Variants in FTO observed in about 807,000 individuals in gnomAD.
The protein encoded by FTO is alpha-ketoglutarate-dependent dioxygenase FTO.
In FTO, 47 loss-of-function variants were observed where a neutral mutation model predicts 63.9. The ratio of observed to expected loss-of-function variants is 0.74; its 90% confidence interval spans 0.58 to 0.94. FTO has a LOEUF of 0.94. Among genes scored for constraint, FTO ranks in the 40% least tolerant of loss-of-function variants. FTO has a pLI of 0.00. For missense variants in FTO, 562 were observed against 618.1 expected (o/e 0.91, Z 0.96); for synonymous variants, 207 against 224.4 (o/e 0.92, Z 0.69).
At chr16:53,754,638 A>C (rs79686650) in intron 1 of FTO, among the ~76,000 whole-genome samples, 7 of 146,686 alleles carry the variant, frequency 4.8e-5, no homozygotes, top group Non-Finnish European at 4.5e-5. Flanking sequence ...ACTTCGTCTC[A>C]AAAAAAAAAG....
intron 8 of FTO, among the ~76,000 whole-genome samples, chr16:54,022,375 G>T (rs1236502415): frequency 6.6e-6 from 1 of 152,074 alleles, no homozygotes; most frequent in Non-Finnish European, 1.5e-5. Context: ...TGGATAAAAT[G>T]CTCTTTGAAC....
At chr16:53,716,359 T>C (rs1267901959) in intron 1 of FTO, among the ~76,000 whole-genome samples, 1 of 152,218 alleles carries the variant, frequency 6.6e-6, no homozygotes, top group African/African-American at 2.4e-5. Context: ...CATTTATGTA[T>C]AAATCAGTCT....
chr16:53,758,057 A>T (rs1317039380), intron 1 of FTO, among the ~76,000 whole-genome samples: 1 of 152,220 alleles, frequency 6.6e-6, no homozygotes, highest in Admixed American at 6.5e-5. Flanking sequence ...GTACAGTCAC[A>T]TCTCATTATA....
chr16:53,777,686 G>A (rs1031842414), intron 1 of FTO, among the ~76,000 whole-genome samples: 6 of 152,124 alleles, frequency 3.9e-5, no homozygotes, highest in Non-Finnish European at 8.8e-5. Flanking sequence ...TCTTATACAA[G>A]TTTTTAAGTA....
intron 8 of FTO, among the ~76,000 whole-genome samples, chr16:53,974,636 A>G (rs1367415152): frequency 1.3e-5 from 2 of 151,682 alleles, no homozygotes; most frequent in South Asian, 2.1e-4. Flanking sequence ...TTGATGCTGT[A>G]TTAAAGATTC....
intron 7 of FTO, among the ~76,000 whole-genome samples, chr16:53,928,948 A>C (rs1237537415): frequency 2.0e-5 from 3 of 151,986 alleles, no homozygotes; most frequent in Non-Finnish European, 2.9e-5. Context: ...GGTTCAAGCG[A>C]TTCTCCTGCC....
At position 53,739,494 on chromosome 16, in the gene FTO, G is replaced by A. The variant is rs538495761; in HGVS notation, c.45+35265G>A. Among the ~76,000 whole-genome samples the A allele has an allele frequency of 8.7e-4, 133 of 152,026 alleles. 1 individual carries two copies. Among genetic ancestry groups the A allele is most frequent in the African/African-American group, 3.0e-3 (125 of 41,452 alleles). On this transcript the variant is annotated intron_variant, in intron 1 of 8. Transcript: ENST00000471389. ...CTCCCAAAGTGCTGGGATTACAGGT[G>A]TGAGCCACTGTGCCTGGCCTACTAT...
At chr16:53,909,530 G>A (rs993931723) in intron 7 of FTO, among the ~76,000 whole-genome samples, 2 of 113,666 alleles carry the variant, frequency 1.8e-5, no homozygotes, top group African/African-American at 7.3e-5. Context: ...AGAGAGCCCC[G>A]CCTTTTTTTT....
intron 8 of FTO, among the ~76,000 whole-genome samples, chr16:54,079,757 C>T (rs945671923): frequency 6.6e-6 from 1 of 152,168 alleles, no homozygotes; most frequent in Non-Finnish European, 1.5e-5. Flanking sequence ...AGGAGGCAGT[C>T]GCGACTCGGC....
chr16:54,109,823 A>G (rs76128818), intron 8 of FTO, among the ~76,000 whole-genome samples: 2,901 of 152,256 alleles, frequency 0.019, 92 homozygotes, highest in African/African-American at 0.066. Flanking sequence ...AAGCATCTCT[A>G]TTGACTTTCT....
At chr16:53,838,995 C>T (rs889693728) in intron 3 of FTO, among the ~76,000 whole-genome samples, 2 of 152,166 alleles carry the variant, frequency 1.3e-5, no homozygotes, top group African/African-American at 2.4e-5. Flanking sequence ...GTAATCTCTA[C>T]TGTCATACTC....
intron 1 of FTO, among the ~76,000 whole-genome samples, chr16:53,762,626 A>T (rs546038279): frequency 2.0e-5 from 3 of 152,280 alleles, no homozygotes; most frequent in Non-Finnish European, 4.4e-5. Context: ...GTTGAACCTG[A>T]TGCCATACAA....
At chr16:53,892,146 G>T (rs1275243130) in intron 7 of FTO, among the ~76,000 whole-genome samples, 1 of 152,034 alleles carries the variant, frequency 6.6e-6, no homozygotes, top group Non-Finnish European at 1.5e-5. Flanking sequence ...ACGGTTCTGT[G>T]GTTCTGTTCG....
intron 8 of FTO, among the ~76,000 whole-genome samples, chr16:54,008,129 A>T (rs8049988): frequency 1.3e-5 from 2 of 151,992 alleles, no homozygotes; most frequent in African/African-American, 4.8e-5. Context: ...CACTTAATAG[A>T]TTCTCCATAA....
chr16:53,872,002 C>G (rs1182895858), intron 4 of FTO, among the ~76,000 whole-genome samples: 1 of 152,210 alleles, frequency 6.6e-6, no homozygotes, highest in African/African-American at 2.4e-5. Context: ...ACTGAGATTC[C>G]AGGCATGAGC....
chr16:54,012,557 T>G (rs2084354835), intron 8 of FTO, among the ~76,000 whole-genome samples: 1 of 152,198 alleles, frequency 6.6e-6, no homozygotes, highest in Admixed American at 6.5e-5. Context: ...GAAGATGCCA[T>G]GTAGCATTTT....
intron 1 of FTO, among the ~76,000 whole-genome samples, chr16:53,752,943 C>G (rs892733873): frequency 6.8e-6 from 1 of 146,908 alleles, no homozygotes; most frequent in African/African-American, 2.5e-5. Context: ...TTTAAAGAAT[C>G]CTTCGTTGAG....
chr16:53,821,083 A>T (rs1379048735), intron 2 of FTO, among the ~76,000 whole-genome samples: 3 of 152,148 alleles, frequency 2.0e-5, no homozygotes, highest in African/African-American at 7.2e-5. Context: ...CCCATATTAA[A>T]TATATCTTAT....
intron 1 of FTO, among the ~76,000 whole-genome samples, chr16:53,788,289 G>T (rs113994237): frequency 6.6e-6 from 1 of 151,778 alleles, no homozygotes; most frequent in South Asian, 2.1e-4. Context: ...GCTATATGCT[G>T]TTCTGCTTTT....
Sources: allele counts gnomAD v4.1 joint callset (sites outside exome capture counted in the v4.1 genomes callset), GRCh38; gene constraint gnomAD v4.1.1; transcripts MANE v1.5; gene names NCBI Gene and HGNC (gene_info 2026-07-23, HGNC 2026-07-21).